The following METTL2B variants were observed in gnomAD, a reference collection of about 807,000 sequenced individuals.
METTL2B encodes tRNA N(3)-cytidine methyltransferase METTL2B.
In METTL2B, 28 loss-of-function variants were observed where a neutral mutation model predicts 51.0. The ratio of observed to expected loss-of-function variants is 0.55; its 90% CI spans 0.41 to 0.75. The LOEUF is 0.75. Among genes scored for constraint, METTL2B ranks in the 30% least tolerant of loss-of-function variants. The pLI is 0.00. For missense variants in METTL2B, 313 were observed against 460.7 expected, an observed-to-expected ratio of 0.68 and a Z score of 2.93; for synonymous variants, 128 against 166.3, an observed-to-expected ratio of 0.77 and a Z score of 1.77.
At chr7:128,494,826 C>T (rs1347224423) in intron 6 of METTL2B, among the ~76,000 whole-genome samples, 1 of 150,438 alleles carries the variant, frequency 6.6e-6, no homozygotes, top group African/African-American at 2.5e-5. Flanking sequence ...CGGGGTTTCA[C>T]CATGTTGGCC....
chr7:128,501,988 C>T lies in METTL2B; in HGVS notation c.*72C>T, dbSNP rs569301261. 1.6e-5 allele frequency: 25 copies of T among 1,592,604 alleles called. No individual in the cohort carries two copies. The highest frequency in any genetic ancestry group is 6.7e-5 in the African/African-American group (5 of 74,604). ...TTTTTTAAAAAAAAATTTGTAGCACCGGGCATGGTGCATGCCTGTAATCCC... is the reference window on the plus strand; with the variant it reads ...TTTTTTAAAAAAAAATTTGTAGCACTGGGCATGGTGCATGCCTGTAATCCC... On this transcript the variant is annotated 3_prime_UTR_variant, in exon 9 of 9. Transcript: ENST00000262432.
At position 128,501,850 on chromosome 7, in the gene METTL2B, A is replaced by C. The variant is rs1163244735; in HGVS notation, c.1071A>C (p.Gln357His). Residue 357 changes from glutamine to histidine, a missense_variant, in exon 9 of 9, where the codon CAA becomes CAC. By Grantham distance (24) the Gln-to-His change is conservative (BLOSUM62 0). This residue lies in a region of METTL2B where 138 missense variants were observed against 187.6 expected (regional missense o/e 0.74). Transcript: ENST00000262432. ...GACTGCAGGTGAACCGAGGGAAGCA[A>C]CTGACAATGTACCGGGTTTGGATTC... is the stretch of plus-strand genomic sequence containing the variant. ...DRRLQVNRGK[Q>H]LTMYRVWIQC... 1 of 1,614,114 alleles carries C rather than the reference A, an allele frequency of 6.2e-7. No homozygotes were observed. Among genetic ancestry groups the C allele is most frequent in the Non-Finnish European group, 8.5e-7 (1 of 1,180,062 alleles).
Position 128,476,781 on chromosome 7 carries a change from C to T in METTL2B, c.16C>T (p.Pro6Ser). The change falls in exon 1 of 9, where the codon CCT becomes TCT. Residue 6 changes from proline to serine, a missense_variant. Coordinates refer to ENST00000262432, the MANE Select transcript of METTL2B (RefSeq NM_018396.3). ...CTCCGGTGTCATGGCCGGCTCCTAC[C>T]CTGAAGGTGCACCTGCAATCCTCGC... The part of the protein sequence containing the change: MAGSY[P>S]EGAPAILADK... 1 of 1,614,102 alleles carries T rather than the reference C, an allele frequency of 6.2e-7. No individual in the cohort carries two copies. The highest frequency in any genetic ancestry group is 1.7e-5 in the Admixed American group (1 of 60,012).
At chr7:128,499,819 C>T (rs1348627855) in intron 7 of METTL2B, among the ~76,000 whole-genome samples, 1 of 152,194 alleles carries the variant, frequency 6.6e-6, no homozygotes, top group Admixed American at 6.5e-5. Context: ...CTGCTCCCAG[C>T]TTACAGCCTT....
chr7:128,495,161 T>G (rs1198947190), intron 6 of METTL2B, among the ~76,000 whole-genome samples: 3 of 151,842 alleles, frequency 2.0e-5, no homozygotes, highest in Non-Finnish European at 2.9e-5. Flanking sequence ...GACCTCATGA[T>G]CCGCCTGCCA....
rs778379366 is a variant in METTL2B, at chr7:128,476,854, G to T, written c.89G>T (p.Arg30Leu). The T allele has an allele frequency of 5.6e-6, 9 of 1,614,056 alleles. No individual in the cohort carries two copies. The highest frequency in any genetic ancestry group is 6.8e-6 in the Non-Finnish European group (8 of 1,179,998). ...AGCCGGTTCCTGAGCGATCCGGCGC[G>T]CGTCTTCCACCACAATGCCTGGTAA... ...FGSRFLSDPARVFHHNAWDNV... is the reference protein window; with the variant it reads ...FGSRFLSDPALVFHHNAWDNV... Residue 30 changes from arginine to leucine, a missense_variant, in exon 1 of 9, where the codon CGC (arginine) becomes CTC (leucine). This residue lies in a region of METTL2B where 66 missense variants were observed against 58.2 expected (regional missense o/e 1.13). Transcript: ENST00000262432.
At chr7:128,492,514 TCAA>T (rs1792852421) in intron 5 of METTL2B, among the ~76,000 whole-genome samples, 2 of 152,184 alleles carry the variant, frequency 1.3e-5, no homozygotes, top group Non-Finnish European at 2.9e-5. Flanking sequence ...ACTCCTGGGC[TCAA>T]GTGATCCTCC....
At chr7:128,490,889 G>A (rs1313257818) in intron 5 of METTL2B, among the ~76,000 whole-genome samples, 2 of 152,172 alleles carry the variant, frequency 1.3e-5, no homozygotes, top group Admixed American at 6.6e-5. Context: ...ATGGCTGGGT[G>A]CAGTGGCTCA....
intron 5 of METTL2B, 111 bp from the exon 6 acceptor site, chr7:128,493,693 T>G (rs1405745364): frequency 2.0e-5 from 28 of 1,434,036 alleles, no homozygotes; most frequent in Non-Finnish European, 2.5e-5. Flanking sequence ...AAGAAATAGA[T>G]CCCTCTTCGT....
At chr7:128,490,654 G>A (rs1792812526) in intron 5 of METTL2B, among the ~76,000 whole-genome samples, 2 of 152,018 alleles carry the variant, frequency 1.3e-5, no homozygotes, top group African/African-American at 4.8e-5. Context: ...TGGCCCCAAC[G>A]TGCTTGCTTC....
chr7:128,501,212 G>A (rs1793024350), intron 8 of METTL2B: 1 of 985,296 alleles, frequency 1.0e-6, no homozygotes, highest in Admixed American at 6.2e-5. Flanking sequence ...GTCTGCCACT[G>A]TCCAAAATGG....
intron 7 of METTL2B, among the ~76,000 whole-genome samples, chr7:128,498,890 G>A (rs867274102): frequency 7.2e-5 from 11 of 152,008 alleles, no homozygotes; most frequent in Admixed American, 5.2e-4. Flanking sequence ...CCAGCTACTC[G>A]GGAGGCTGAG....
chr7:128,494,947 C>T (rs1428828761), intron 6 of METTL2B, among the ~76,000 whole-genome samples: 1 of 149,266 alleles, frequency 6.7e-6, no homozygotes, highest in Non-Finnish European at 1.5e-5. Context: ...CGGAGTCTTG[C>T]TCTGTTGCCC....
In METTL2B at chr7:128,477,099, C is replaced by T. The variant is rs1409602134; in HGVS notation, c.128C>T (p.Ser43Leu). Residue 43 changes from serine (S) to leucine (L), a missense_variant, in exon 2 of 9, where the codon TCG becomes TTG. Ser to Leu is a moderately radical substitution (Grantham distance 145, BLOSUM62 -2). Transcript: ENST00000262432. ...TTTCTCAGGGACAATGTGGAGTGGT[C>T]GGAAGAGCAAGCCGCGGCGGCGGAG... ...HHNAWDNVEW[S>L]EEQAAAAERK... 9 of 1,613,944 alleles carry T rather than the reference C, an allele frequency of 5.6e-6. No homozygotes were observed. The East Asian group carries it at 8.9e-5, about 16-fold the overall frequency.
intron 4 of METTL2B, among the ~76,000 whole-genome samples, chr7:128,486,744 G>A (rs1303055589): frequency 3.9e-5 from 6 of 152,160 alleles, no homozygotes; most frequent in Admixed American, 3.3e-4. Context: ...GGCCAACATG[G>A]TGAAACCCCG....
chr7:128,476,833 G>T lies in METTL2B; in HGVS notation c.68G>T (p.Arg23Leu). The T allele has an allele frequency of 1.9e-6, 3 of 1,614,172 alleles. No homozygotes were observed. Among genetic ancestry groups the T allele is most frequent in the South Asian group, 1.1e-5 (1 of 91,074 alleles). ...GATAAGAGGCAGCAGTTCGGAAGCC[G>T]GTTCCTGAGCGATCCGGCGCGCGTC... ...LADKRQQFGS[R>L]FLSDPARVFH... The change falls in exon 1 of 9, where the codon CGG becomes CTG. Residue 23 changes from arginine (R) to leucine (L), a missense_variant. Physicochemically the swap from Arg to Leu is moderately radical, Grantham distance 102 (BLOSUM62 -2). Around this residue, in one of 4 missense-constraint regions of METTL2B, gnomAD observed 66 missense variants for 58.2 expected, o/e 1.13. Coordinates refer to ENST00000262432, the MANE Select transcript of METTL2B (RefSeq NM_018396.3).
Position 128,488,168 on chromosome 7 carries a change from A to T in METTL2B, c.669+7A>T, listed in dbSNP as rs748878174. 3.7e-6 allele frequency: 6 copies of T among 1,613,334 alleles called. No individual in the cohort carries two copies. The highest frequency in any genetic ancestry group is 5.1e-6 in the Non-Finnish European group (6 of 1,179,698). On this transcript the variant is annotated splice_region_variant and intron_variant, in intron 5 of 8. Transcript: ENST00000262432. ...AGCTATAGAACTGGTCCAGGTGAGT[A>T]CGATGGGAAATTACCTATTGGTAAT... is the stretch of plus-strand genomic sequence containing the variant.
At chr7:128,482,810 A>T (rs1232256724) in intron 4 of METTL2B, among the ~76,000 whole-genome samples, 1 of 152,236 alleles carries the variant, frequency 6.6e-6, no homozygotes, top group Non-Finnish European at 1.5e-5. Context: ...CTGGGATTAC[A>T]GGCGTGAGCC....
chr7:128,486,629 A>G (rs1046070396), intron 4 of METTL2B, among the ~76,000 whole-genome samples: 3 of 151,734 alleles, frequency 2.0e-5, no homozygotes, highest in African/African-American at 7.3e-5. Context: ...AAACATGAAG[A>G]AGAAAACAAC....
Sources: allele counts gnomAD v4.1 joint callset (sites outside exome capture counted in the v4.1 genomes callset), GRCh38; gene constraint gnomAD v4.1.1; regional missense constraint gnomAD v4.1.1; transcripts MANE v1.5; gene names NCBI Gene and HGNC (gene_info 2026-07-23, HGNC 2026-07-21).